The following STARD13 variants were observed in gnomAD, a reference collection of about 807,000 sequenced individuals.
STARD13 encodes the protein stAR-related lipid transfer protein 13.
In STARD13, 62 loss-of-function variants were observed where a neutral mutation model predicts 106.4. The observed-to-expected ratio is 0.58, with a 90% confidence interval of 0.48 to 0.72. STARD13 has a LOEUF of 0.72. STARD13 is among the 30% of genes least tolerant of loss of function. The pLI, the probability that STARD13 is intolerant of heterozygous loss-of-function variation, is 0.00. For missense variants in STARD13, 1,387 were observed against 1,424.0 expected (o/e 0.97, Z 0.42); for synonymous variants, 565 against 553.0 (o/e 1.02, Z -0.31).
the STARD13 span, among the ~76,000 whole-genome samples, chr13:33,565,307 T>C: frequency 2.0e-5 from 3 of 147,328 alleles, no homozygotes; most frequent in African/African-American, 7.5e-5. Flanking sequence ...TATTAATCAA[T>C]TGTACATTTC....
At chr13:33,114,068 G>A (rs574523197) in intron 8 of STARD13, among the ~76,000 whole-genome samples, 4 of 152,254 alleles carry the variant, frequency 2.6e-5, no homozygotes, top group East Asian at 1.9e-4. Context: ...GCACTCCCAC[G>A]TGTGTTTATC....
At chr13:33,420,624 T>C in the STARD13 span, among the ~76,000 whole-genome samples, 9 of 152,126 alleles carry the variant, frequency 5.9e-5, no homozygotes, top group African/African-American at 9.7e-5. Flanking sequence ...TCTACAGAAC[T>C]CTCCATCCCA....
rs751358838 is a variant in STARD13 at position 33,110,574 on chromosome 13, C to T, written c.2829+112G>A. ...GAATGGTTCATGTGCCTTAACTGTC[C>T]GCGTGTGTGCCAAGCCCTGTGGACA... On this transcript the variant is annotated intron_variant, in intron 11 of 13. Coordinates refer to ENST00000336934, the MANE Select transcript of STARD13 (RefSeq NM_178006.4). 25 of 858,142 alleles carry T rather than the reference C, an allele frequency of 2.9e-5. No individual in the cohort carries two copies. The East Asian group carries it at 3.1e-4, about 11-fold the overall frequency. The allele number at this position is 858,142 out of a possible 1,614,324, so 53.2% of individuals were successfully genotyped here. A position where few individuals can be genotyped will look rare whatever the true frequency, so the allele number is the denominator to read the frequency against.
chr13:33,360,343 T>C, the STARD13 span, among the ~76,000 whole-genome samples: 1 of 152,012 alleles, frequency 6.6e-6, no homozygotes, highest in Non-Finnish European at 1.5e-5. Flanking sequence ...TAGCTGGGAC[T>C]ATAGGCGCGT....
intron 1 of STARD13, among the ~76,000 whole-genome samples, chr13:33,179,894 T>C (rs1885059660): frequency 1.3e-5 from 2 of 152,164 alleles, no homozygotes; most frequent in East Asian, 1.9e-4. Flanking sequence ...CCCATCTTCT[T>C]CCCCCAGATG....
the STARD13 span, among the ~76,000 whole-genome samples, chr13:33,648,851 G>C: frequency 7.1e-6 from 1 of 141,310 alleles, no homozygotes. Context: ...GAGTACAATG[G>C]TGTGATCTCG....
chr13:33,501,035 A>G, the STARD13 span, among the ~76,000 whole-genome samples: 1 of 149,594 alleles, frequency 6.7e-6, no homozygotes, highest in African/African-American at 2.4e-5. Flanking sequence ...AAAAAATAAC[A>G]AAAAACCCTG....
chr13:33,610,823 G>T, the STARD13 span: 2 of 152,434 alleles, frequency 1.3e-5, no homozygotes, highest in African/African-American at 4.8e-5. Context: ...CCACTGCGCG[G>T]AGAACCTCTG....
At chr13:33,527,066 T>C in the STARD13 span, among the ~76,000 whole-genome samples, 1 of 152,150 alleles carries the variant, frequency 6.6e-6, no homozygotes, top group Non-Finnish European at 1.5e-5. Context: ...TTTTATTCCT[T>C]AGAATTTTTC....
At chr13:33,533,446 G>A in the STARD13 span, among the ~76,000 whole-genome samples, 2 of 152,048 alleles carry the variant, frequency 1.3e-5, no homozygotes, top group Admixed American at 6.5e-5. Flanking sequence ...ACCAGAGGAT[G>A]TTTTATTTTA....
intron 1 of STARD13, among the ~76,000 whole-genome samples, chr13:33,195,434 C>T (rs1886544270): frequency 6.6e-6 from 1 of 152,226 alleles, no homozygotes; most frequent in South Asian, 2.1e-4. Context: ...TCTCAGGAGA[C>T]TGTCCTGTAA....
At chr13:33,477,827 G>C in the STARD13 span, among the ~76,000 whole-genome samples, 44 of 150,930 alleles carry the variant, frequency 2.9e-4, no homozygotes, top group Admixed American at 2.0e-3. Context: ...TTGAATAAAC[G>C]TAGAAATTGA....
chr13:33,280,602 A>G (rs1275653391), intron 1 of STARD13: 1 of 152,224 alleles, frequency 6.6e-6, no homozygotes, highest in Non-Finnish European at 1.5e-5. Context: ...AAGTTTCTGT[A>G]TAATTATAGT....
intron 1 of STARD13, among the ~76,000 whole-genome samples, chr13:33,302,299 G>T (rs1809102878): frequency 6.6e-6 from 1 of 152,166 alleles, no homozygotes; most frequent in Admixed American, 6.5e-5. Flanking sequence ...ATCATGACTA[G>T]AATGCTGAAG....
At chr13:33,242,041 A>T (rs999835340) in intron 1 of STARD13, among the ~76,000 whole-genome samples, 2 of 145,788 alleles carry the variant, frequency 1.4e-5, no homozygotes, top group Non-Finnish European at 3.0e-5. Context: ...CCGCCGCCCC[A>T]TCTGGGATGT....
intron 1 of STARD13, among the ~76,000 whole-genome samples, chr13:33,291,743 A>C (rs1254886759): frequency 6.6e-6 from 1 of 152,180 alleles, no homozygotes; most frequent in African/African-American, 2.4e-5. Context: ...GCTAGAGGCT[A>C]TCTGTTGTCT....
chr13:33,113,029 A>G, intron 8 of STARD13, 98 bp from the exon 9 acceptor site: 1 of 850,320 alleles, frequency 1.2e-6, no homozygotes, highest in Non-Finnish European at 1.8e-6. Flanking sequence ...GTGAACACGC[A>G]CCCAGAGTCA....
At chr13:33,415,384 A>C in the STARD13 span, among the ~76,000 whole-genome samples, 3 of 152,166 alleles carry the variant, frequency 2.0e-5, no homozygotes, top group African/African-American at 7.2e-5. Context: ...TAAATAAATA[A>C]ATAAATAAAT....
chr13:33,339,968 C>T (rs1280018609), intron 1 of STARD13, among the ~76,000 whole-genome samples: 4 of 151,878 alleles, frequency 2.6e-5, no homozygotes, highest in African/African-American at 9.7e-5. Context: ...ACCTTGTGGC[C>T]AGGAAAGGTG....
Sources: allele counts gnomAD v4.1 joint callset (sites outside exome capture counted in the v4.1 genomes callset), GRCh38; gene constraint gnomAD v4.1.1; transcripts MANE v1.5; gene names NCBI Gene and HGNC (gene_info 2026-07-23, HGNC 2026-07-21).